PLCG2: variants seen among roughly 807,000 people sequenced by gnomAD.
The protein encoded by PLCG2 is 1-phosphatidylinositol 4,5-bisphosphate phosphodiesterase gamma-2.
In PLCG2, 69 loss-of-function variants were observed where a neutral mutation model predicts 175.6. The ratio of observed to expected loss-of-function variants is 0.39; its 90% confidence interval spans 0.32 to 0.48. The LOEUF (loss-of-function observed/expected upper bound fraction) is 0.48, where lower values mean the gene tolerates loss of function less well. PLCG2 is among the 20% of genes least tolerant of loss of function. The pLI, the probability that PLCG2 is intolerant of heterozygous loss-of-function variation, is 0.91. For synonymous variants in PLCG2, 827 were observed against 624.0 expected (o/e 1.33, Z -4.85); for missense variants, 1,798 against 1,650.9 (o/e 1.09, Z -1.54).
chr16:81,831,001 C>T (rs764267775), intron 2 of PLCG2, among the ~76,000 whole-genome samples: 9 of 152,142 alleles, frequency 5.9e-5, no homozygotes, highest in Non-Finnish European at 8.8e-5. Flanking sequence ...ATACACATTT[C>T]CATCTTGGGG....
chr16:81,759,721 G>T (rs1490425466), intron 2 of PLCG2, among the ~76,000 whole-genome samples: 1 of 152,198 alleles, frequency 6.6e-6, no homozygotes, highest in African/African-American at 2.4e-5. Flanking sequence ...TGTATATATG[G>T]ACATATACTT....
intron 2 of PLCG2, among the ~76,000 whole-genome samples, chr16:81,842,325 G>A (rs1905878133): frequency 6.6e-6 from 1 of 152,218 alleles, no homozygotes; most frequent in Admixed American, 6.5e-5. Context: ...CACTCCTGAT[G>A]TGGATGGAGA....
intron 3 of PLCG2, among the ~76,000 whole-genome samples, chr16:81,856,329 A>T (rs1211880817): frequency 6.6e-6 from 1 of 152,192 alleles, no homozygotes; most frequent in Non-Finnish European, 1.5e-5. Context: ...GAGATGAGGC[A>T]CAGAGTAGGG....
rs1412807339 is a variant in PLCG2 at position 81,836,832 on chromosome 16, T to A, written c.194-17612T>A. On this transcript the variant is annotated intron_variant, in intron 2 of 32. Coordinates refer to ENST00000564138, the MANE Select transcript of PLCG2 (RefSeq NM_002661.5). ...GAATGAGTCAGTGACTCTCTCTGCT[T>A]CAGCCTCCCCACCTGTGGAAGGAAG... 2.0e-5 allele frequency among the ~76,000 whole-genome samples: 3 copies of A among 152,208 alleles called. No homozygotes were observed. In the East Asian group the frequency reaches 5.8e-4, roughly 29 times the overall value.
intron 2 of PLCG2, among the ~76,000 whole-genome samples, chr16:81,850,369 AAG>A (rs549896487): frequency 2.3e-3 from 354 of 152,328 alleles, no homozygotes; most frequent in Middle Eastern, 0.014. Flanking sequence ...ACAAACAAAA[AAG>A]TTTCAGTGCA....
chr16:81,845,487 C>G (rs2143442248), intron 2 of PLCG2, among the ~76,000 whole-genome samples: 1 of 152,332 alleles, frequency 6.6e-6, no homozygotes, highest in Non-Finnish European at 1.5e-5. Context: ...AAGTTACTGT[C>G]CAAAGCTATC....
chr16:81,846,572 C>A (rs1185070472), intron 2 of PLCG2, among the ~76,000 whole-genome samples: 2 of 152,162 alleles, frequency 1.3e-5, no homozygotes, highest in Non-Finnish European at 2.9e-5. Flanking sequence ...ATCTGTAAGA[C>A]CCTTGAGGGC....
At chr16:81,908,782 T>C (rs1339613596) in intron 17 of PLCG2, among the ~76,000 whole-genome samples, 191 bp downstream of exon 17, 1 of 152,158 alleles carries the variant, frequency 6.6e-6, no homozygotes, top group Non-Finnish European at 1.5e-5. Flanking sequence ...GTAACCCAGA[T>C]TAATGAGATT....
intron 5 of PLCG2, among the ~76,000 whole-genome samples, chr16:81,868,499 G>A (rs1483349194): frequency 6.6e-6 from 1 of 152,190 alleles, no homozygotes; most frequent in African/African-American, 2.4e-5. Context: ...AGCCCGTCCT[G>A]TGGTTTTGGT....
At chr16:81,741,313 T>C (rs1056074743) in intron 1 of PLCG2, among the ~76,000 whole-genome samples, 2 of 152,220 alleles carry the variant, frequency 1.3e-5, no homozygotes, top group African/African-American at 4.8e-5. Context: ...AGAGGTAAAG[T>C]GACTTGTTCA....
chr16:81,868,309 C>T (rs972853565), intron 5 of PLCG2, among the ~76,000 whole-genome samples: 2 of 145,344 alleles, frequency 1.4e-5, no homozygotes, highest in Non-Finnish European at 3.1e-5. Context: ...CCCACTTCCC[C>T]TCCCTGGCCC....
At chr16:81,892,858 T>A (rs1022159275) in intron 11 of PLCG2, among the ~76,000 whole-genome samples, 3 of 151,618 alleles carry the variant, frequency 2.0e-5, no homozygotes, top group South Asian at 4.2e-4. Context: ...TTTTTTTTTT[T>A]TTTTTTTGAG....
intron 2 of PLCG2, among the ~76,000 whole-genome samples, chr16:81,837,291 C>G (rs908145137): frequency 1.3e-5 from 2 of 152,248 alleles, no homozygotes; most frequent in Non-Finnish European, 2.9e-5. Flanking sequence ...ACTACCTCAA[C>G]TCCTTGCTGA....
chr16:81,871,798 G>A (rs768666382), intron 7 of PLCG2, among the ~76,000 whole-genome samples: 9 of 152,114 alleles, frequency 5.9e-5, no homozygotes, highest in Admixed American at 3.9e-4. Flanking sequence ...ATATATTATC[G>A]GATTGTTTAT....
chr16:81,818,234 T>A (rs1327048407), intron 2 of PLCG2, among the ~76,000 whole-genome samples: 1 of 152,258 alleles, frequency 6.6e-6, no homozygotes, highest in Non-Finnish European at 1.5e-5. Flanking sequence ...CCTGATCAAG[T>A]CTGTGGCTCA....
intron 2 of PLCG2, among the ~76,000 whole-genome samples, chr16:81,824,299 A>C (rs1355528665): frequency 1.3e-5 from 2 of 151,898 alleles, no homozygotes; most frequent in South Asian, 2.1e-4. Context: ...ACACCTGGCT[A>C]ATTTGTGTAT....
chr16:81,934,381 G>C (rs1044272052), intron 25 of PLCG2, 48 bp from the exon 26 acceptor site: 4 of 1,167,266 alleles, frequency 3.4e-6, no homozygotes, highest in African/African-American at 3.0e-5. Flanking sequence ...GAGCTGGGAA[G>C]ATGGGATTTC....
intron 19 of PLCG2, among the ~76,000 whole-genome samples, chr16:81,914,012 C>T (rs1818756143): frequency 6.6e-6 from 1 of 152,256 alleles, no homozygotes; most frequent in African/African-American, 2.4e-5. Flanking sequence ...ACCTGGGCTT[C>T]TCAGCATTGG....
At chr16:81,835,267 C>T (rs772904756) in intron 2 of PLCG2, among the ~76,000 whole-genome samples, 7 of 152,178 alleles carry the variant, frequency 4.6e-5, no homozygotes, top group African/African-American at 7.2e-5. Flanking sequence ...TACTACCTTA[C>T]GTACAGCTAA....
Sources: allele counts gnomAD v4.1 joint callset (sites outside exome capture counted in the v4.1 genomes callset), GRCh38; gene constraint gnomAD v4.1.1; transcripts MANE v1.5; gene names NCBI Gene and HGNC (gene_info 2026-07-23, HGNC 2026-07-21).